The following ROBO2 variants were observed in gnomAD, a reference collection of about 807,000 sequenced individuals.
ROBO2 encodes the protein roundabout homolog 2.
In ROBO2, 53 loss-of-function variants were observed where a neutral mutation model predicts 160.8. The observed-to-expected ratio is 0.33, with a 90% confidence interval of 0.26 to 0.41. The LOEUF is 0.41. Among genes scored for constraint, ROBO2 ranks in the 10% least tolerant of loss-of-function variants. The probability of loss-of-function intolerance (pLI) is 1.00; values close to 1 mark genes in which losing one functional copy is unlikely to be tolerated. For synonymous variants in ROBO2, 664 were observed against 611.7 expected, an observed-to-expected ratio of 1.09 and a Z score of -1.26; for missense variants, 1,577 against 1,722.4, an observed-to-expected ratio of 0.92 and a Z score of 1.49.
At chr3:77,213,313 G>C (rs528527164) in intron 2 of ROBO2, among the ~76,000 whole-genome samples, 1 of 152,102 alleles carries the variant, frequency 6.6e-6, no homozygotes, top group Admixed American at 6.5e-5. Context: ...TTGGGAGGGC[G>C]TATGTGTCCA....
intron 2 of ROBO2, among the ~76,000 whole-genome samples, chr3:77,349,680 T>C (rs2068084910): frequency 6.6e-6 from 1 of 152,200 alleles, no homozygotes; most frequent in Non-Finnish European, 1.5e-5. Flanking sequence ...GGCTGGAGTC[T>C]AAGCCAGTGA....
At position 76,388,401 on chromosome 3, in the gene ROBO2, A is replaced by G. The variant is rs532322999; in HGVS notation, c.109+450799A>G. 2.2e-4 allele frequency among the ~76,000 whole-genome samples: 33 copies of G among 151,848 alleles called. No individual in the cohort carries two copies. The South Asian group carries it at 6.9e-3, about 32-fold the overall frequency. On this transcript the variant is annotated intron_variant, in intron 2 of 26. Coordinates refer to the ROBO2 transcript ENST00000487694. Reference sequence around the variant, plus strand: ...ATTCTCCTGCCTCAGCCTCCCGAGTAGCTGGGACTACAGGCACCCGCCGCC... The same window carrying G: ...ATTCTCCTGCCTCAGCCTCCCGAGTGGCTGGGACTACAGGCACCCGCCGCC...
chr3:77,402,488 A>G (rs901070811), intron 2 of ROBO2, among the ~76,000 whole-genome samples: 3 of 152,140 alleles, frequency 2.0e-5, no homozygotes, highest in African/African-American at 7.2e-5. Context: ...ATGTCAGGGA[A>G]AGGCAATCTC....
At chr3:76,708,586 TA>T (rs978734383) in intron 2 of ROBO2, among the ~76,000 whole-genome samples, 3 of 152,144 alleles carry the variant, frequency 2.0e-5, no homozygotes, top group African/African-American at 7.2e-5. Context: ...CTGCATCAGG[TA>T]TTAACTGAAG....
intron 12 of ROBO2, among the ~76,000 whole-genome samples, chr3:77,566,419 T>C (rs1337655572): frequency 1.3e-5 from 2 of 152,118 alleles, no homozygotes; most frequent in Admixed American, 1.3e-4. Context: ...TTAAATCTGA[T>C]TGCTTTTTAC....
chr3:76,548,186 AC>A (rs1159674814), intron 2 of ROBO2, among the ~76,000 whole-genome samples: 1 of 152,182 alleles, frequency 6.6e-6, no homozygotes, highest in African/African-American at 2.4e-5. Flanking sequence ...GAGGAAAGAC[AC>A]AGTGGTTAAA....
intron 2 of ROBO2, among the ~76,000 whole-genome samples, chr3:76,610,673 C>A (rs1007669517): frequency 9.4e-3 from 5 of 534 alleles, no homozygotes; most frequent in Non-Finnish European, 0.047. Context: ...ATTCTCACTG[C>A]GCGTCCTGTG....
intron 2 of ROBO2, among the ~76,000 whole-genome samples, chr3:76,760,466 A>G (rs886905112): frequency 1.3e-5 from 2 of 151,642 alleles, no homozygotes; most frequent in Non-Finnish European, 2.9e-5. Flanking sequence ...TCTATAGCCA[A>G]CCTCCTGAGT....
intron 2 of ROBO2, among the ~76,000 whole-genome samples, chr3:76,786,940 A>G (rs115779974): frequency 0.011 from 1,653 of 151,530 alleles, 29 homozygotes; most frequent in African/African-American, 0.037. Flanking sequence ...CACAGGATGC[A>G]TGGCTGGGGA....
chr3:77,339,398 C>T (rs1189751343), intron 2 of ROBO2, among the ~76,000 whole-genome samples: 1 of 152,052 alleles, frequency 6.6e-6, no homozygotes, highest in Non-Finnish European at 1.5e-5. Context: ...AAATATTTTT[C>T]ACCATCTTCT....
intron 20 of ROBO2, among the ~76,000 whole-genome samples, chr3:77,604,734 C>T (rs2094493410): frequency 2.6e-5 from 4 of 151,856 alleles, no homozygotes; most frequent in Admixed American, 2.6e-4. Flanking sequence ...AGGTATCTTT[C>T]CTAAGACTTA....
chr3:77,484,565 T>C (rs1582361631), intron 4 of ROBO2, among the ~76,000 whole-genome samples: 1 of 149,910 alleles, frequency 6.7e-6, no homozygotes, highest in Admixed American at 6.7e-5. Flanking sequence ...TCATTTTACG[T>C]TCTGTTTTAT....
At chr3:75,961,056 G>A (rs2107275866) in intron 2 of ROBO2, among the ~76,000 whole-genome samples, 1 of 151,664 alleles carries the variant, frequency 6.6e-6, no homozygotes, top group South Asian at 2.1e-4. Flanking sequence ...AAATTTACAG[G>A]AAGAACTGAA....
At chr3:76,107,003 A>G (rs2069966724) in intron 2 of ROBO2, among the ~76,000 whole-genome samples, 1 of 152,138 alleles carries the variant, frequency 6.6e-6, no homozygotes, top group Non-Finnish European at 1.5e-5. Flanking sequence ...CATATTCATC[A>G]TTGTAAGACA....
At chr3:76,927,010 A>G (rs1335091614) in intron 2 of ROBO2, among the ~76,000 whole-genome samples, 1 of 152,160 alleles carries the variant, frequency 6.6e-6, no homozygotes, top group Non-Finnish European at 1.5e-5. Context: ...TTTAGACTAA[A>G]TCGCTGTGGA....
At chr3:76,719,883 CAAAAA>C (rs58861850) in intron 2 of ROBO2, among the ~76,000 whole-genome samples, 3 of 130,206 alleles carry the variant, frequency 2.3e-5, no homozygotes, top group East Asian at 2.3e-4. Context: ...GACTGTGTCT[CAAAAA>C]AAAAAAAAAA....
intron 2 of ROBO2, among the ~76,000 whole-genome samples, chr3:76,155,856 G>A (rs940164722): frequency 2.0e-5 from 3 of 152,148 alleles, no homozygotes; most frequent in South Asian, 2.1e-4. Flanking sequence ...TAAATGTATC[G>A]CAAGGCAAAC....
chr3:76,526,702 A>C (rs3913574), intron 2 of ROBO2, among the ~76,000 whole-genome samples: 5 of 151,898 alleles, frequency 3.3e-5, no homozygotes, highest in African/African-American at 1.2e-4. Context: ...AATTGTTGCA[A>C]CTCAACACAA....
intron 2 of ROBO2, among the ~76,000 whole-genome samples, chr3:76,687,346 T>A (rs2092706574): frequency 6.6e-6 from 1 of 152,036 alleles, no homozygotes; most frequent in African/African-American, 2.4e-5. Context: ...TTAAATGAGT[T>A]AATATATATA....
Sources: gnomAD v4.1 joint callset for allele counts (sites outside exome capture counted in the v4.1 genomes callset) on GRCh38, gnomAD v4.1.1 for gene constraint, MANE v1.5 for transcripts, NCBI Gene and HGNC (gene_info 2026-07-23, HGNC 2026-07-21) for gene names.